Variants in COBLL1 observed in about 807,000 individuals in gnomAD.
The protein encoded by COBLL1 is cordon-bleu WH2 repeat protein like 1, also known as cordon-bleu protein-like 1.
COBLL1 carries 50 observed loss-of-function variants against 94.8 expected under a neutral mutation model. The ratio of observed to expected loss-of-function variants is 0.53; its 90% CI spans 0.42 to 0.67. The LOEUF (loss-of-function observed/expected upper bound fraction) is 0.67, where lower values mean the gene tolerates loss of function less well. Among genes scored for constraint, COBLL1 ranks in the 30% least tolerant of loss-of-function variants. The pLI is 0.00. For missense variants in COBLL1, 1,362 were observed against 1,348.7 expected (o/e 1.01, Z -0.15); for synonymous variants, 448 against 473.8 (o/e 0.95, Z 0.71).
rs546261449 is a variant in COBLL1 at position 164,822,478 on chromosome 2, T to C, written c.41+18678A>G. Among the ~76,000 whole-genome samples the C allele has an allele frequency of 3.9e-5, 6 of 152,252 alleles. No individual in the cohort carries two copies. In the South Asian group the frequency reaches 1.2e-3, roughly 32 times the overall value. ...CATATGCCTTCTGGGTTGTTGGCTATTCCCTTTGGCATCTCCCTGGCCCTT... is the reference window on the plus strand; with the variant it reads ...CATATGCCTTCTGGGTTGTTGGCTACTCCCTTTGGCATCTCCCTGGCCCTT... On this transcript the variant is annotated intron_variant, in intron 2 of 13. Coordinates refer to ENST00000652658, the MANE Select transcript of COBLL1 (RefSeq NM_001365672.2).
chr2:164,659,653 C>T (rs1041671925), intron 2 of COBLL1, among the ~76,000 whole-genome samples: 4 of 152,188 alleles, frequency 2.6e-5, no homozygotes, highest in Non-Finnish European at 4.4e-5. Flanking sequence ...TCCTTATAAG[C>T]ATTATACCTA....
At chr2:164,809,642 A>G (rs760324139) in intron 2 of COBLL1, among the ~76,000 whole-genome samples, 1 of 152,038 alleles carries the variant, frequency 6.6e-6, no homozygotes, top group Non-Finnish European at 1.5e-5. Context: ...TTTTTAAAGT[A>G]TCTAAATAAG....
intron 7 of COBLL1, among the ~76,000 whole-genome samples, chr2:164,715,454 T>A (rs1685116617): frequency 6.6e-6 from 1 of 152,090 alleles, no homozygotes; most frequent in South Asian, 2.1e-4. Flanking sequence ...AAAAGGGGGA[T>A]GTTTCTTAAA....
chr2:164,687,213 C>CTTTTTTTTTTTTTTTTTTTTTTT (rs879090827), intron 13 of COBLL1: 3 of 317,722 alleles, frequency 9.4e-6, no homozygotes, highest in African/African-American at 7.1e-5. Context: ...GACTTTCTTT[C>CTTTTTTTTTTTTTTTTTTTTTTT]TTTTTTTTTT....
chr2:164,807,643 C>A (rs937874278), intron 2 of COBLL1, among the ~76,000 whole-genome samples: 14 of 151,806 alleles, frequency 9.2e-5, no homozygotes, highest in Non-Finnish European at 1.3e-4. Flanking sequence ...CTGAGTATAG[C>A]CTATTAATAG....
chr2:164,821,133 C>T (rs1685149630), intron 2 of COBLL1, among the ~76,000 whole-genome samples: 2 of 152,052 alleles, frequency 1.3e-5, no homozygotes, highest in African/African-American at 2.4e-5. Context: ...ATGATCCACT[C>T]GCCTCCACCT....
At chr2:164,711,460 C>A (rs72878807) in intron 7 of COBLL1, among the ~76,000 whole-genome samples, 2,096 of 152,232 alleles carry the variant, frequency 0.014, 19 homozygotes, top group Non-Finnish European at 0.022. Flanking sequence ...CTCAACAGTG[C>A]CCAATGTTCA....
chr2:164,703,025 T>C (rs1172451521), intron 9 of COBLL1: 1 of 768,246 alleles, frequency 1.3e-6, no homozygotes, highest in Non-Finnish European at 2.2e-6. Context: ...AAGGTTTCAA[T>C]AGCTCATCAA....
intron 2 of COBLL1, chr2:164,800,667 G>T (rs1012994798): frequency 1.4e-5 from 9 of 651,592 alleles, no homozygotes; most frequent in Non-Finnish European, 2.2e-5. Flanking sequence ...GTATTCAATG[G>T]GTGAATGGAT....
rs1683639806 is a variant in COBLL1, at chr2:164,692,207, T to C, written c.3300+14A>G. On this transcript the variant is annotated intron_variant, in intron 13 of 13. Transcript: ENST00000652658. ...AATAAACCCACTGTCACCCATCTGA[T>C]AAAGAAGACTTACCCTTTTCAATTT... 1 of 1,573,664 alleles carries C rather than the reference T, an allele frequency of 6.4e-7. No individual in the cohort carries two copies. The highest frequency in any genetic ancestry group is 1.4e-5 in the African/African-American group (1 of 72,910).
At position 164,704,532 on chromosome 2, in the gene COBLL1, G is replaced by A; in HGVS notation, c.1151-14C>T. 6.3e-7 allele frequency: 1 copy of A among 1,593,900 alleles called. No homozygotes were observed. Among genetic ancestry groups the A allele is most frequent in the Non-Finnish European group, 8.6e-7 (1 of 1,161,894 alleles). On this transcript the variant is annotated splice_polypyrimidine_tract_variant and intron_variant, in intron 8 of 13. Transcript: ENST00000652658. ...CTGGCTGTAAGGCTAAAGGAAAGAA[G>A]CAACACAACTTATAAAGTCATATTC...
At chr2:164,747,106 C>T (rs959663354) in intron 2 of COBLL1, among the ~76,000 whole-genome samples, 2 of 151,988 alleles carry the variant, frequency 1.3e-5, no homozygotes, top group Admixed American at 1.3e-4. Flanking sequence ...AGATGCACTA[C>T]CTAAGCCTAA....
At chr2:164,828,786 G>GT (rs1335221367) in intron 2 of COBLL1, among the ~76,000 whole-genome samples, 8 of 152,268 alleles carry the variant, frequency 5.3e-5, no homozygotes, top group Non-Finnish European at 7.4e-5. Flanking sequence ...CAACTTTATT[G>GT]TTTTGAAAGA....
intron 2 of COBLL1, among the ~76,000 whole-genome samples, chr2:164,771,248 T>C (rs1688187771): frequency 6.6e-6 from 1 of 152,052 alleles, no homozygotes; most frequent in African/African-American, 2.4e-5. Context: ...ACCTAAGTTT[T>C]TTACATCAAC....
At chr2:164,805,287 G>GTCTCTC (rs543005860) in intron 2 of COBLL1, among the ~76,000 whole-genome samples, 23 of 34,248 alleles carry the variant, frequency 6.7e-4, no homozygotes, top group Admixed American at 2.5e-3. Context: ...CTCTCTGTCT[G>GTCTCTC]TCTCTCTCTC....
chr2:164,786,382 G>A (rs1318890279), intron 2 of COBLL1, among the ~76,000 whole-genome samples: 6 of 152,172 alleles, frequency 3.9e-5, no homozygotes, highest in Non-Finnish European at 7.3e-5. Flanking sequence ...CTGGGCAGAG[G>A]GATGGAGAGT....
chr2:164,790,704 C>T (rs1038745495), intron 2 of COBLL1, among the ~76,000 whole-genome samples: 1 of 152,166 alleles, frequency 6.6e-6, no homozygotes, highest in Non-Finnish European at 1.5e-5. Context: ...TTTCTCTTAA[C>T]TTACACACTG....
intron 9 of COBLL1, 68 bp downstream of exon 9, chr2:164,704,376 A>C: frequency 1.2e-3 from 1,109 of 896,242 alleles, no homozygotes; most frequent in Non-Finnish European, 1.8e-3. Flanking sequence ...TCGCAAATGG[A>C]CTCATTTCTC....
chr2:164,790,350 C>T (rs911560885), intron 2 of COBLL1, among the ~76,000 whole-genome samples: 1 of 152,076 alleles, frequency 6.6e-6, no homozygotes, highest in African/African-American at 2.4e-5. Flanking sequence ...CTCTGGCCAC[C>T]CATGACCCTA....
Sources: gnomAD v4.1 joint callset for allele counts (sites outside exome capture counted in the v4.1 genomes callset) on GRCh38, gnomAD v4.1.1 for gene constraint, MANE v1.5 for transcripts, NCBI Gene and HGNC (gene_info 2026-07-23, HGNC 2026-07-21) for gene names.